ADH7: variants seen among roughly 807,000 people sequenced by gnomAD.
The protein encoded by ADH7 is alcohol dehydrogenase 7 (class IV), mu or sigma polypeptide.
Under a neutral mutation model 34.4 loss-of-function variants are expected in ADH7, and 41 were observed. That is an observed-to-expected ratio of 1.19 (90% confidence interval 0.93 to 1.55). The LOEUF (loss-of-function observed/expected upper bound fraction) is 1.55, where lower values mean the gene tolerates loss of function less well. ADH7 is among the 40% of genes most tolerant of loss of function. The probability of loss-of-function intolerance (pLI) is 0.00; values close to 1 mark genes in which losing one functional copy is unlikely to be tolerated. For synonymous variants in ADH7, 180 were observed against 160.9 expected, an observed-to-expected ratio of 1.12 and a Z score of -0.90; for missense variants, 540 against 461.2, an observed-to-expected ratio of 1.17 and a Z score of -1.56.
chr4:99,421,949 G>A (rs1721675174), intron 5 of ADH7, among the ~76,000 whole-genome samples: 1 of 152,346 alleles, frequency 6.6e-6, no homozygotes, highest in East Asian at 1.9e-4. Flanking sequence ...AAACCACCGT[G>A]TGATACCATC....
chr4:99,431,951 C>A (rs111325698), intron 1 of ADH7, among the ~76,000 whole-genome samples: 1 of 152,118 alleles, frequency 6.6e-6, no homozygotes, highest in East Asian at 1.9e-4. Context: ...TTTGACCCAG[C>A]AATCCCATTA....
chr4:99,435,036 C>T (rs1423653793), intron 1 of ADH7, 180 bp downstream of exon 1: 2 of 1,542,102 alleles, frequency 1.3e-6, no homozygotes, highest in Admixed American at 2.0e-5. Flanking sequence ...CCCCTGCTTC[C>T]ACTGACATTC....
At position 99,428,504 on chromosome 4, in the gene ADH7, T is replaced by C. The variant is rs771609127; in HGVS notation, c.247A>G (p.Thr83Ala). Residue 83 changes from threonine to alanine, a missense_variant, in exon 3 of 9, where the codon ACA (threonine) becomes GCA (alanine). Thr to Ala is a moderately conservative substitution (Grantham distance 58). Coordinates refer to ENST00000437033, the MANE Select transcript of ADH7 (RefSeq NM_000673.7). ...CACCTGCATATACCTGGTTTCACTG[T>C]AGTCACTCCTTCTCCAATGCTCTCT... ...IVESIGEGVT[T>A]VKPGDKVIPL... 1 of 1,612,558 alleles carries C rather than the reference T, an allele frequency of 6.2e-7. No individual in the cohort carries two copies. The highest frequency in any genetic ancestry group is 8.5e-7 in the Non-Finnish European group (1 of 1,179,600).
At chr4:99,419,909 C>A (rs1244480421) in intron 6 of ADH7, among the ~76,000 whole-genome samples, 2 of 152,096 alleles carry the variant, frequency 1.3e-5, no homozygotes, top group Non-Finnish European at 2.9e-5. Flanking sequence ...GGCTTTATTC[C>A]ATTTTTCCTA....
intron 5 of ADH7, among the ~76,000 whole-genome samples, chr4:99,423,522 C>T (rs1450116435): frequency 2.0e-5 from 3 of 151,496 alleles, no homozygotes; most frequent in Non-Finnish European, 4.4e-5. Context: ...TATTTCTCCA[C>T]ATCCTCTCCA....
Position 99,427,772 on chromosome 4 carries a change from C to A in ADH7, c.564+1G>T. 6.6e-7 allele frequency: 1 copy of A among 1,523,708 alleles called. No homozygotes were observed. The highest frequency in any genetic ancestry group is 8.8e-7 in the Non-Finnish European group (1 of 1,135,608). The allele number at this position is 1,523,708 out of a possible 1,614,324, so 94.4% of individuals were successfully genotyped here. On this transcript the variant is annotated splice_donor_variant, in intron 5 of 8. Coordinates refer to ENST00000437033, the MANE Select transcript of ADH7 (RefSeq NM_000673.7). LOFTEE classifies it high-confidence loss of function. ...ATAAACTAGCCTACCCTGTTTCTTA[C>A]CTTGCCAGTTTTAACAGCAGCGCCA...
intron 1 of ADH7, chr4:99,432,482 T>A (rs1254033130): frequency 1.3e-5 from 2 of 152,066 alleles, no homozygotes; most frequent in Non-Finnish European, 2.9e-5. Context: ...TTAAAAAAAG[T>A]CATAAAGGAA....
At chr4:99,431,632 C>T (rs1721939151) in intron 1 of ADH7, among the ~76,000 whole-genome samples, 1 of 152,036 alleles carries the variant, frequency 6.6e-6, no homozygotes, top group African/African-American at 2.4e-5. Context: ...AAGCAAAACA[C>T]AAACAACGCC....
chr4:99,416,325 C>G (rs1721515022), intron 7 of ADH7, among the ~76,000 whole-genome samples: 1 of 152,086 alleles, frequency 6.6e-6, no homozygotes, highest in Non-Finnish European at 1.5e-5. Context: ...TGAGCCCACT[C>G]TGATTACGCT....
intron 5 of ADH7, among the ~76,000 whole-genome samples, chr4:99,423,564 G>A (rs1461522879): frequency 3.3e-5 from 5 of 151,980 alleles, no homozygotes; most frequent in Admixed American, 2.6e-4. Context: ...TTTAATGATT[G>A]CCATTCTAAC....
In ADH7 at chr4:99,420,696, C is replaced by G. The variant is rs1361603981; in HGVS notation, c.662G>C (p.Gly221Ala). Reference sequence around the variant, plus strand: ...AAATTTGTCTTTGTTGAGGTCAATCCCAATGATCCTAGATGCACCAGCTGA... The same window carrying G: ...AAATTTGTCTTTGTTGAGGTCAATCGCAATGATCCTAGATGCACCAGCTGA... ...CKSAGASRII[G>A]IDLNKDKFEK... Residue 221 changes from glycine (G) to alanine (A), a missense_variant, in exon 6 of 9, where the codon GGG becomes GCG. Gly to Ala is a moderately conservative substitution (Grantham distance 60). Coordinates refer to ENST00000437033, the MANE Select transcript of ADH7 (RefSeq NM_000673.7). 6.2e-7 allele frequency: 1 copy of G among 1,613,868 alleles called. No homozygotes were observed. The highest frequency in any genetic ancestry group is 1.7e-5 in the Admixed American group (1 of 59,940).
Position 99,435,311 on chromosome 4 carries a change from A to G in ADH7, c.-78T>C. ...ATGCTCAGTTCACTCTGTTGTATAT[A>G]ACAGCAGCTTGTGCCTTCACATAGA... On this transcript the variant is annotated 5_prime_UTR_variant, in exon 1 of 9. Coordinates refer to ENST00000437033, the MANE Select transcript of ADH7 (RefSeq NM_000673.7). The G allele has an allele frequency of 1.3e-6, 2 of 1,593,634 alleles. No homozygotes were observed. Among genetic ancestry groups the G allele is most frequent in the Non-Finnish European group, 1.7e-6 (2 of 1,164,736 alleles).
chr4:99,424,638 G>A (rs1053314556), intron 5 of ADH7, among the ~76,000 whole-genome samples: 3 of 152,144 alleles, frequency 2.0e-5, no homozygotes, highest in Admixed American at 1.3e-4. Flanking sequence ...TCTCTTTGAA[G>A]CAATTGTGAA....
At position 99,412,918 on chromosome 4, in the gene ADH7, CA is replaced by C. The variant is rs1290830040; in HGVS notation, c.*229del. On this transcript the variant is annotated 3_prime_UTR_variant, in exon 9 of 9. Coordinates refer to ENST00000437033, the MANE Select transcript of ADH7 (RefSeq NM_000673.7). ...CTTAAAAGATACAATTATAGCCTTA[CA>C]AAATGTAAATCAAAAATATTAACAT... 7.0e-6 allele frequency: 3 copies of C among 427,682 alleles called. No homozygotes were observed. The East Asian group carries it at 1.1e-4, about 16-fold the overall frequency. The allele number at this position is 427,682 out of a possible 1,614,324, so 26.5% of individuals were successfully genotyped here.
chr4:99,420,396 G>GTT (rs1721619130), intron 6 of ADH7, 137 bp downstream of exon 6: 1 of 1,050,724 alleles, frequency 9.5e-7, no homozygotes, highest in East Asian at 2.6e-5. Flanking sequence ...GTGATTATCA[G>GTT]TTTTTGCCTG....
intron 1 of ADH7, among the ~76,000 whole-genome samples, chr4:99,434,869 C>G (rs183410929): frequency 6.6e-6 from 1 of 152,272 alleles, no homozygotes; most frequent in African/African-American, 2.4e-5. Flanking sequence ...GCAGCACATG[C>G]TACTGAGACG....
In ADH7 at chr4:99,429,554, T is replaced by C. The variant is rs113371400; in HGVS notation, c.98A>G (p.Lys33Arg). The C allele has an allele frequency of 2.5e-5, 41 of 1,612,176 alleles. No homozygotes were observed. In the African/African-American group the frequency reaches 2.9e-4, roughly 12 times the overall value. The stretch of plus-strand genomic sequence containing the variant: ...TACCTTAATGCGAACTTCTTTAGTC[T>C]TTGGTGGGGCAACTTCTATTTCCTC... ...SIEEIEVAPP[K>R]TKEVRIKILA... is the part of the protein sequence containing the mutation. The change falls in exon 2 of 9, where the codon AAG (lysine) becomes AGG (arginine). Residue 33 changes from lysine (K) to arginine (R), a missense_variant. Lys to Arg is a conservative substitution (Grantham distance 26). Coordinates refer to ENST00000437033, the MANE Select transcript of ADH7 (RefSeq NM_000673.7).
chr4:99,427,666 A>G lies in ADH7; in HGVS notation c.564+107T>C, dbSNP rs1055726651. 14 of 835,152 alleles carry G rather than the reference A, an allele frequency of 1.7e-5. No individual in the cohort carries two copies. In the African/African-American group the frequency reaches 2.3e-4, roughly 14 times the overall value. 51.7% of individuals were successfully genotyped at this position (835,152 alleles called of 1,614,324 possible). A position where few individuals can be genotyped will look rare whatever the true frequency, so the allele number is the denominator to read the frequency against. On this transcript the variant is annotated intron_variant, in intron 5 of 8. Transcript: ENST00000437033. The stretch of plus-strand genomic sequence containing the variant: ...TTGCTTGGCAGCCTGAATATGCAAT[A>G]CATTCTTTTAAATGTTTTTTTTTTT...
At chr4:99,414,473 G>C (rs1721474282) in intron 8 of ADH7, among the ~76,000 whole-genome samples, 1 of 152,154 alleles carries the variant, frequency 6.6e-6, no homozygotes, top group Non-Finnish European at 1.5e-5. Context: ...TTTGATTGCT[G>C]TTTGAGACCT....
Sources: gnomAD v4.1 joint callset for allele counts (sites outside exome capture counted in the v4.1 genomes callset) on GRCh38, gnomAD v4.1.1 for gene constraint, MANE v1.5 for transcripts, NCBI Gene and HGNC (gene_info 2026-07-23, HGNC 2026-07-21) for gene names.